Variants in DDC observed in about 807,000 individuals in gnomAD.
DDC encodes dopa decarboxylase, also known as aromatic-L-amino-acid decarboxylase.
A neutral mutation model predicts 60.0 loss-of-function variants in DDC; 43 were observed. The observed-to-expected ratio is 0.72, with a 90% CI of 0.56 to 0.92. DDC has a LOEUF of 0.92. Among genes scored for constraint, DDC ranks in the 40% least tolerant of loss-of-function variants. The probability of loss-of-function intolerance (pLI) is 0.00; values close to 1 mark genes in which losing one functional copy is unlikely to be tolerated. For missense variants in DDC, 573 were observed against 620.2 expected, an observed-to-expected ratio of 0.92 and a Z score of 0.81; for synonymous variants, 232 against 234.6, an observed-to-expected ratio of 0.99 and a Z score of 0.10.
intron 6 of DDC, among the ~76,000 whole-genome samples, chr7:50,527,013 AGTGT>A (rs77465445): frequency 0.42 from 64,226 of 151,858 alleles, 14,632 homozygotes; most frequent in Non-Finnish European, 0.52. Flanking sequence ...CTACACTCAT[AGTGT>A]GAGATTTTTA....
intron 9 of DDC, among the ~76,000 whole-genome samples, chr7:50,485,916 T>G (rs2042870445): frequency 6.6e-6 from 1 of 152,100 alleles, no homozygotes. Flanking sequence ...GGGATAATAA[T>G]ATAGTCCCTA....
chr7:50,462,074 G>A (rs958323215), intron 14 of DDC, among the ~76,000 whole-genome samples: 1 of 151,940 alleles, frequency 6.6e-6, no homozygotes, highest in Non-Finnish European at 1.5e-5. Context: ...AAAAATTGTA[G>A]GCAATCAGGA....
At chr7:50,505,684 G>T (rs2043374567) in intron 6 of DDC, among the ~76,000 whole-genome samples, 2 of 152,240 alleles carry the variant, frequency 1.3e-5, no homozygotes, top group African/African-American at 4.8e-5. Flanking sequence ...AGGTGGCTGG[G>T]CTGGACAAGG....
At chr7:50,547,439 A>G (rs2044845073) in intron 1 of DDC, among the ~76,000 whole-genome samples, 1 of 150,556 alleles carries the variant, frequency 6.6e-6, no homozygotes, top group African/African-American at 2.4e-5. Flanking sequence ...CTGGTCTTGA[A>G]CTCCTGATCT....
At chr7:50,547,677 C>T (rs926639730) in intron 1 of DDC, among the ~76,000 whole-genome samples, 7 of 152,184 alleles carry the variant, frequency 4.6e-5, no homozygotes, top group African/African-American at 1.7e-4. Context: ...CACTCCGAGA[C>T]CGAGAGCCAA....
At chr7:50,495,318 G>GT in intron 9 of DDC, 32 bp downstream of exon 9, 1 of 1,560,852 alleles carries the variant, frequency 6.4e-7, no homozygotes, top group South Asian at 1.1e-5. Context: ...ACCTCGGACA[G>GT]GCAACTGACA....
chr7:50,534,081 C>T (rs2044308537), intron 4 of DDC, among the ~76,000 whole-genome samples: 1 of 152,224 alleles, frequency 6.6e-6, no homozygotes, highest in South Asian at 2.1e-4. Flanking sequence ...ATTTATTGTT[C>T]CCCTTTCAGG....
At chr7:50,466,563 C>T (rs1003856910) in intron 13 of DDC, among the ~76,000 whole-genome samples, 9 of 149,174 alleles carry the variant, frequency 6.0e-5, no homozygotes, top group Non-Finnish European at 1.3e-4. Flanking sequence ...GCTCTGTGTA[C>T]ACAAGGGAGA....
chr7:50,506,220 T>C (rs1049422742), intron 6 of DDC, among the ~76,000 whole-genome samples: 2 of 152,128 alleles, frequency 1.3e-5, no homozygotes, highest in African/African-American at 4.8e-5. Flanking sequence ...GGCAGGAGGA[T>C]AGTAGCCCAG....
chr7:50,487,049 C>T lies in DDC; in HGVS notation c.945-7186G>A, dbSNP rs536291719. 6.9e-4 allele frequency among the ~76,000 whole-genome samples: 105 copies of T among 152,256 alleles called. 1 individual carries two copies. The highest frequency in any genetic ancestry group is 2.5e-3 in the African/African-American group (103 of 41,554). ...GTAGGAAAAAGAACATTTTTGAAAA[C>T]AGGCAAATGAAAAATTTTAAATATA... On this transcript the variant is annotated intron_variant, in intron 9 of 14. Coordinates refer to ENST00000444124, the MANE Select transcript of DDC (RefSeq NM_001082971.2).
At chr7:50,466,516 A>C (rs895604293) in intron 13 of DDC, among the ~76,000 whole-genome samples, 1 of 149,354 alleles carries the variant, frequency 6.7e-6, no homozygotes, top group African/African-American at 2.5e-5. Flanking sequence ...AAAAAAAAAA[A>C]ACCTTATAAA....
At chr7:50,469,266 A>ATTTTT (rs1444255053) in intron 12 of DDC, among the ~76,000 whole-genome samples, 17 of 149,606 alleles carry the variant, frequency 1.1e-4, no homozygotes, top group African/African-American at 4.0e-4. Flanking sequence ...AAAAAAAAAA[A>ATTTTT]AAAAAAAAAA....
chr7:50,468,461 A>G (rs1442964217), intron 12 of DDC, among the ~76,000 whole-genome samples: 1 of 152,186 alleles, frequency 6.6e-6, no homozygotes, highest in Non-Finnish European at 1.5e-5. Context: ...TTCGTCTCAA[A>G]TGGGTAGAGG....
intron 1 of DDC, among the ~76,000 whole-genome samples, chr7:50,557,044 A>G (rs2153554086): frequency 6.6e-6 from 1 of 152,282 alleles, no homozygotes; most frequent in East Asian, 1.9e-4. Flanking sequence ...TGTGTCTAGC[A>G]ATTATTATTA....
chr7:50,459,124 T>C (rs928714730), intron 14 of DDC, among the ~76,000 whole-genome samples: 2 of 152,040 alleles, frequency 1.3e-5, no homozygotes, highest in African/African-American at 4.8e-5. Context: ...GCCTGACTGG[T>C]TTTCGTATTT....
chr7:50,549,701 A>G (rs1406885380), intron 1 of DDC, among the ~76,000 whole-genome samples: 5 of 152,062 alleles, frequency 3.3e-5, no homozygotes, highest in Non-Finnish European at 7.4e-5. Flanking sequence ...GAAAGAGGTC[A>G]CAATATCAAC....
chr7:50,513,567 G>T (rs1177550104), intron 6 of DDC, among the ~76,000 whole-genome samples: 2 of 152,208 alleles, frequency 1.3e-5, no homozygotes, highest in African/African-American at 4.8e-5. Context: ...TGGGAAGTAG[G>T]TAGCCTGGGG....
chr7:50,549,496 CA>C (rs575869143), intron 1 of DDC, among the ~76,000 whole-genome samples: 2 of 151,476 alleles, frequency 1.3e-5, no homozygotes, highest in South Asian at 2.1e-4. Flanking sequence ...ACTAAAAATA[CA>C]AAAAAAATTA....
intron 1 of DDC, among the ~76,000 whole-genome samples, chr7:50,556,772 G>A (rs1049656224): frequency 1.4e-4 from 22 of 152,194 alleles, no homozygotes; most frequent in Non-Finnish European, 2.8e-4. Context: ...ATTGGTCTGC[G>A]TTGGAAAATG....
Sources: gnomAD v4.1 joint callset for allele counts (sites outside exome capture counted in the v4.1 genomes callset) on GRCh38, gnomAD v4.1.1 for gene constraint, MANE v1.5 for transcripts, NCBI Gene and HGNC (gene_info 2026-07-23, HGNC 2026-07-21) for gene names.